ZMYM4: variants seen among roughly 807,000 people sequenced by gnomAD.
The protein encoded by ZMYM4 is zinc finger MYM-type containing 4, also known as zinc finger MYM-type protein 4.
A neutral mutation model predicts 183.2 loss-of-function variants in ZMYM4; 31 were observed. The observed-to-expected ratio is 0.17, with a 90% CI of 0.13 to 0.23. The LOEUF (loss-of-function observed/expected upper bound fraction) is 0.23, where lower values mean the gene tolerates loss of function less well. Among genes scored for constraint, ZMYM4 ranks in the 10% least tolerant of loss-of-function variants. The pLI is 1.00. For synonymous variants in ZMYM4, 592 were observed against 631.2 expected, an observed-to-expected ratio of 0.94 and a Z score of 0.93; for missense variants, 1,273 against 1,840.3, an observed-to-expected ratio of 0.69 and a Z score of 5.64.
chr1:35,270,875 T>C (rs1019996650), intron 1 of ZMYM4, among the ~76,000 whole-genome samples: 1 of 152,178 alleles, frequency 6.6e-6, no homozygotes, highest in Non-Finnish European at 1.5e-5. Context: ...TTTTAATGCA[T>C]TTCATCGTAG....
intron 3 of ZMYM4, among the ~76,000 whole-genome samples, chr1:35,360,776 A>G (rs1643917566): frequency 6.6e-6 from 1 of 152,010 alleles, no homozygotes; most frequent in African/African-American, 2.4e-5. Context: ...TAGAAGAGAG[A>G]TGATTTTTAA....
At chr1:35,311,241 G>A (rs1641782171) in intron 1 of ZMYM4, among the ~76,000 whole-genome samples, 1 of 151,908 alleles carries the variant, frequency 6.6e-6, no homozygotes, top group Non-Finnish European at 1.5e-5. Context: ...ACAACATGGT[G>A]AAACCCCGTC....
At chr1:35,364,172 A>G (rs1644012331) in intron 5 of ZMYM4, among the ~76,000 whole-genome samples, 1 of 152,232 alleles carries the variant, frequency 6.6e-6, no homozygotes, top group Non-Finnish European at 1.5e-5. Flanking sequence ...TTTCATCATG[A>G]TTATGGGAAG....
At chr1:35,317,881 A>C (rs1197254657) in intron 1 of ZMYM4, among the ~76,000 whole-genome samples, 1 of 152,212 alleles carries the variant, frequency 6.6e-6, no homozygotes. Flanking sequence ...TTCAGTGAAG[A>C]CAAACTTACA....
chr1:35,282,586 C>T (rs1640227951), intron 1 of ZMYM4, among the ~76,000 whole-genome samples: 1 of 152,118 alleles, frequency 6.6e-6, no homozygotes. Flanking sequence ...GACAGGGTCT[C>T]ACTTTGTTGT....
intron 2 of ZMYM4, among the ~76,000 whole-genome samples, chr1:35,355,489 A>G (rs560225703): frequency 5.9e-5 from 9 of 152,082 alleles, no homozygotes; most frequent in Admixed American, 2.6e-4. Context: ...CTTTGCTTTT[A>G]TATGTGTATT....
At chr1:35,391,142 A>G (rs1160910880) in intron 15 of ZMYM4, among the ~76,000 whole-genome samples, 1 of 152,238 alleles carries the variant, frequency 6.6e-6, no homozygotes, top group Non-Finnish European at 1.5e-5. Flanking sequence ...AGGCAGATTT[A>G]TTGGAGAAAG....
At chr1:35,272,833 C>G (rs944716902) in intron 1 of ZMYM4, among the ~76,000 whole-genome samples, 9 of 152,146 alleles carry the variant, frequency 5.9e-5, no homozygotes, top group Admixed American at 5.2e-4. Flanking sequence ...CTCAGCCTCC[C>G]GAGTAGCTGG....
chr1:35,395,615 A>C (rs1470143706), intron 18 of ZMYM4, among the ~76,000 whole-genome samples: 3 of 152,160 alleles, frequency 2.0e-5, no homozygotes, highest in Non-Finnish European at 4.4e-5. Flanking sequence ...TGTACCCATC[A>C]TATGTTAAAA....
intron 1 of ZMYM4, among the ~76,000 whole-genome samples, chr1:35,311,742 G>T (rs1168055164): frequency 6.6e-6 from 1 of 152,004 alleles, no homozygotes; most frequent in Non-Finnish European, 1.5e-5. Context: ...GTTAAACATA[G>T]GTTAAAGAAG....
At chr1:35,393,488 C>A in intron 17 of ZMYM4, 107 bp from the exon 18 acceptor site, 1 of 1,025,622 alleles carries the variant, frequency 9.8e-7, no homozygotes, top group Non-Finnish European at 1.4e-6. Flanking sequence ...CTTGCTATGT[C>A]CTCCATGTAA....
At chr1:35,337,939 A>AAAAAT (rs530412815) in intron 2 of ZMYM4, among the ~76,000 whole-genome samples, 367 of 152,330 alleles carry the variant, frequency 2.4e-3, no homozygotes, top group South Asian at 6.2e-3. Flanking sequence ...ACTCCATCTC[A>AAAAAT]AAAATAAAAT....
intron 1 of ZMYM4, among the ~76,000 whole-genome samples, chr1:35,303,673 T>C (rs1238268121): frequency 6.6e-6 from 1 of 152,174 alleles, no homozygotes; most frequent in Non-Finnish European, 1.5e-5. Flanking sequence ...GCGCCCAGCC[T>C]ATATTGATCT....
Position 35,389,161 on chromosome 1 carries a change from G to T in ZMYM4, c.2436+79G>T. The T allele has an allele frequency of 7.1e-7, 1 of 1,408,624 alleles. No homozygotes were observed. The allele number at this position is 1,408,624 out of a possible 1,614,324, so 87.3% of individuals were successfully genotyped here. A position where few individuals can be genotyped will look rare whatever the true frequency, so the allele number is the denominator to read the frequency against. ...TTTTAAAATTTCATGTCACATAAAG[G>T]ACAATTTAATTATTTAAAACTTTTA... On this transcript the variant is annotated intron_variant, in intron 14 of 29. Coordinates refer to ENST00000314607, the MANE Select transcript of ZMYM4 (RefSeq NM_005095.3). The surrounding 1 kb of genome is among the most constrained non-coding windows in gnomAD (Gnocchi z 4.0).
intron 2 of ZMYM4, among the ~76,000 whole-genome samples, chr1:35,352,267 G>GCACACA (rs1262248278): frequency 2.3e-4 from 18 of 78,196 alleles, no homozygotes; most frequent in African/African-American, 7.5e-4. Flanking sequence ...GCACGCGCGC[G>GCACACA]CGCACACACA....
intron 5 of ZMYM4, among the ~76,000 whole-genome samples, chr1:35,362,196 G>C (rs929600295): frequency 9.9e-5 from 15 of 152,194 alleles, no homozygotes; most frequent in African/African-American, 3.4e-4. Flanking sequence ...TTCAGGAGGG[G>C]TTAATGGACA....
rs606636 is a variant in ZMYM4 at position 35,367,748 on chromosome 1, G to A, written c.841-2281G>A. ...TCCCAGCACTTTGGGAGGTTGAGGC[G>A]GGTAGATACTTGAGGTCAGGAGTTC... is the stretch of plus-strand genomic sequence containing the variant. On this transcript the variant is annotated intron_variant, in intron 5 of 29. Coordinates refer to ENST00000314607, the MANE Select transcript of ZMYM4 (RefSeq NM_005095.3). Among the ~76,000 whole-genome samples, 600 of 152,130 alleles carry A rather than the reference G, an allele frequency of 3.9e-3. 3 individuals carry two copies. Among genetic ancestry groups the A allele is most frequent in the African/African-American group, 0.013 (535 of 41,516 alleles).
Position 35,419,821 on chromosome 1 carries a change from A to G in ZMYM4, c.*144A>G, listed in dbSNP as rs1443628021. The G allele has an allele frequency of 1.3e-6, 1 of 748,722 alleles. No homozygotes were observed. Among genetic ancestry groups the G allele is most frequent in the Non-Finnish European group, 2.2e-6 (1 of 463,152 alleles). 46.4% of individuals were successfully genotyped at this position (748,722 alleles called of 1,614,324 possible). On this transcript the variant is annotated 3_prime_UTR_variant, in exon 30 of 30. Transcript: ENST00000314607. ...AAAACAGATGACTTGTGAACCCCAC[A>G]GTGTGGATGTGCAAATGAAAATTGA...
intron 1 of ZMYM4, among the ~76,000 whole-genome samples, chr1:35,269,938 CCT>C (rs1639514944): frequency 6.6e-6 from 1 of 152,102 alleles, no homozygotes; most frequent in Non-Finnish European, 1.5e-5. Context: ...AAGTAAGTTT[CCT>C]TTTAGGAGTC....
Sources: gnomAD v4.1 joint callset for allele counts (sites outside exome capture counted in the v4.1 genomes callset) on GRCh38, gnomAD v4.1.1 for gene constraint, Gnocchi (gnomAD v3.1) non-coding constraint, MANE v1.5 for transcripts, NCBI Gene and HGNC (gene_info 2026-07-23, HGNC 2026-07-21) for gene names.